GRID2IP: variants seen among roughly 807,000 people sequenced by gnomAD.
GRID2IP encodes the protein Grid2 interacting protein.
In GRID2IP, 78 loss-of-function variants were observed where a neutral mutation model predicts 114.3. The ratio of observed to expected loss-of-function variants is 0.68; its 90% CI spans 0.57 to 0.82. The LOEUF is 0.82. Among genes scored for constraint, GRID2IP ranks in the 40% least tolerant of loss-of-function variants. The probability of loss-of-function intolerance (pLI) is 0.00; values close to 1 mark genes in which losing one functional copy is unlikely to be tolerated. For missense variants in GRID2IP, 1,727 were observed against 1,678.5 expected (o/e 1.03, Z -0.51); for synonymous variants, 809 against 724.0 (o/e 1.12, Z -1.89).
Position 6,502,029 on chromosome 7 carries a change from G to A in GRID2IP, c.3240C>T (p.Gly1080=), listed in dbSNP as rs1372611240. The change falls in exon 19 of 22, where the codon GGC becomes GGT. Residue 1080 remains glycine, a synonymous_variant. Transcript: ENST00000457091. Reference sequence around the variant, plus strand: ...GCACGGTGGGCAGGTCCTGAGCAAAGCCCAGGAGTTCAGGGAAGTGCTGGC... The same window carrying A: ...GCACGGTGGGCAGGTCCTGAGCAAAACCCAGGAGTTCAGGGAAGTGCTGGC... ...SLSQHFPELL[G]FAQDLPTVPL... is the part of the protein sequence containing the mutation. 6.4e-7 allele frequency: 1 copy of A among 1,551,370 alleles called. No individual in the cohort carries two copies. Among genetic ancestry groups the A allele is most frequent in the Non-Finnish European group, 8.7e-7 (1 of 1,146,906 alleles).
chr7:6,503,649 G>C lies in GRID2IP; in HGVS notation c.2749C>G (p.Leu917Val). ...LAHLKLSPAE[L>V]RQVLMSMEPR... ...TCCATGCTCATCAGCACCTGGCGCAGCTCCGCGGGGCTCAGCTTCAGGTGT... is the reference window on the plus strand; with the variant it reads ...TCCATGCTCATCAGCACCTGGCGCACCTCCGCGGGGCTCAGCTTCAGGTGT... Residue 917 changes from leucine to valine, a missense_variant, in exon 16 of 22, where the codon CTG becomes GTG. Physicochemically the swap from Leu to Val is conservative, Grantham distance 32. Transcript: ENST00000457091. 1.3e-6 allele frequency: 2 copies of C among 1,517,074 alleles called. No homozygotes were observed. The highest frequency in any genetic ancestry group is 8.8e-7 in the Non-Finnish European group (1 of 1,139,282). The allele number at this position is 1,517,074 out of a possible 1,614,324, so 94.0% of individuals were successfully genotyped here.
chr7:6,511,887 T>C (rs1432781961), intron 8 of GRID2IP, among the ~76,000 whole-genome samples: 1 of 151,824 alleles, frequency 6.6e-6, no homozygotes, highest in African/African-American at 2.4e-5. Flanking sequence ...TTTCTCTCTT[T>C]TCTCTCTCTC....
At position 6,516,957 on chromosome 7, in the gene GRID2IP, C is replaced by T. The variant is rs563908390; in HGVS notation, c.1269-2428G>A. 1.3e-5 allele frequency among the ~76,000 whole-genome samples: 2 copies of T among 152,094 alleles called. No homozygotes were observed. Among genetic ancestry groups the T allele is most frequent in the Admixed American group, 6.6e-5 (1 of 15,260 alleles). On this transcript the variant is annotated intron_variant, in intron 7 of 21. Transcript: ENST00000457091. This position sits in a 1 kb window ranked among gnomAD's most constrained non-coding sequence, Gnocchi z 4.3. ...GCCTTGTACACAATAAATAACAGCA[C>T]GGCCAGGCATTCGGGGCCACTACTG...
At chr7:6,527,488 G>C (rs1319352201) in intron 2 of GRID2IP, among the ~76,000 whole-genome samples, 2 of 152,222 alleles carry the variant, frequency 1.3e-5, no homozygotes, top group African/African-American at 4.8e-5. Context: ...AAGCTAAAGG[G>C]ACTGTGGCTC....
intron 8 of GRID2IP, among the ~76,000 whole-genome samples, chr7:6,513,591 T>G (rs1403282136): frequency 6.6e-6 from 1 of 152,102 alleles, no homozygotes; most frequent in Non-Finnish European, 1.5e-5. Flanking sequence ...ACTTCCATTT[T>G]GTGGGTGCAA....
Position 6,543,031 on chromosome 7 carries a change from T to A in GRID2IP, c.430-3159A>T, listed in dbSNP as rs1476613653. On this transcript the variant is annotated intron_variant, in intron 1 of 21. Transcript: ENST00000457091. ...CTGTCAGGCCCCGCCTCTCTCACCC[T>A]CATCCACCTCCAAACTTCTCAACAG... Among the ~76,000 whole-genome samples the A allele has an allele frequency of 5.3e-5, 8 of 152,206 alleles. No homozygotes were observed. In the South Asian group the frequency reaches 1.7e-3, roughly 32 times the overall value.
At chr7:6,502,305 G>A (rs542468758) in intron 18 of GRID2IP, among the ~76,000 whole-genome samples, 187 bp from the exon 19 acceptor site, 12 of 152,082 alleles carry the variant, frequency 7.9e-5, no homozygotes, top group African/African-American at 2.7e-4. Flanking sequence ...ACTCACTGCA[G>A]CCTCAAACTC....
intron 2 of GRID2IP, among the ~76,000 whole-genome samples, chr7:6,537,445 T>TCAGCTCA (rs1779746361): frequency 7.2e-6 from 1 of 138,528 alleles, no homozygotes; most frequent in African/African-American, 2.7e-5. Flanking sequence ...TGTCGTGATC[T>TCAGCTCA]CAGCTCACCG....
At chr7:6,515,437 G>T (rs543770616) in intron 7 of GRID2IP, among the ~76,000 whole-genome samples, 2 of 151,650 alleles carry the variant, frequency 1.3e-5, no homozygotes, top group Non-Finnish European at 2.9e-5. Context: ...CTCCAGCCTG[G>T]GTGACAGAGC....
At chr7:6,522,017 G>A in intron 4 of GRID2IP, 60 bp from the exon 5 acceptor site, 1 of 1,333,306 alleles carries the variant, frequency 7.5e-7, no homozygotes, top group Non-Finnish European at 1.1e-6. Flanking sequence ...TTGAGAGCAG[G>A]ATGCTATCCT....
At chr7:6,522,628 G>A (rs960233492) in intron 4 of GRID2IP, among the ~76,000 whole-genome samples, 28 of 151,794 alleles carry the variant, frequency 1.8e-4, no homozygotes, top group African/African-American at 6.3e-4. Flanking sequence ...TGGGACCATA[G>A]GCACGCACCA....
intron 8 of GRID2IP, among the ~76,000 whole-genome samples, chr7:6,512,110 T>C (rs181388899): frequency 3.7e-4 from 55 of 150,130 alleles, no homozygotes; most frequent in Non-Finnish European, 6.7e-4. Flanking sequence ...AGAGATGGGG[T>C]TTCACCATAT....
chr7:6,546,898 T>G (rs906897000), intron 1 of GRID2IP, among the ~76,000 whole-genome samples: 2 of 152,118 alleles, frequency 1.3e-5, no homozygotes, highest in African/African-American at 4.8e-5. Flanking sequence ...TTTGGCTCCA[T>G]GGCAGGTGAT....
rs968962827 is a variant in GRID2IP, at chr7:6,536,803, C to T, written c.584+2915G>A. The T allele has an allele frequency of 1.4e-6, 1 of 702,460 alleles. No individual in the cohort carries two copies. The highest frequency in any genetic ancestry group is 2.6e-6 in the Non-Finnish European group (1 of 384,700). 43.5% of individuals were successfully genotyped at this position (702,460 alleles called of 1,614,324 possible). On this transcript the variant is annotated intron_variant, in intron 2 of 21. Coordinates refer to ENST00000457091, the MANE Select transcript of GRID2IP (RefSeq NM_001145118.2). The surrounding 1 kb of genome is among the most constrained non-coding windows in gnomAD (Gnocchi z 5.3). ...TCCTTTTTTCCCCTCTTCTGATTCT[C>T]CTAGCAAGGGGCTCACCCCTTACTC...
chr7:6,501,948 G>A (rs1562510420), intron 19 of GRID2IP, 41 bp downstream of exon 19: 4 of 1,550,794 alleles, frequency 2.6e-6, no homozygotes, highest in Non-Finnish European at 3.5e-6. Context: ...CCCAGCCCAG[G>A]ACAGCATGCC....
chr7:6,546,144 A>G (rs940776958), intron 1 of GRID2IP, among the ~76,000 whole-genome samples: 2 of 151,758 alleles, frequency 1.3e-5, no homozygotes, highest in Non-Finnish European at 2.9e-5. Flanking sequence ...AGCGCAGGCG[A>G]GAACTGGAGG....
intron 20 of GRID2IP, among the ~76,000 whole-genome samples, chr7:6,501,419 G>A (rs1786412324): frequency 6.6e-6 from 1 of 152,076 alleles, no homozygotes; most frequent in African/African-American, 2.4e-5. Flanking sequence ...ATCCAGGATG[G>A]GACCTGGTGT....
intron 1 of GRID2IP, among the ~76,000 whole-genome samples, chr7:6,541,520 C>T (rs1212997011): frequency 2.0e-5 from 3 of 152,200 alleles, no homozygotes; most frequent in Non-Finnish European, 4.4e-5. Context: ...CACAAACCAG[C>T]TGATACTAAT....
At position 6,526,993 on chromosome 7, in the gene GRID2IP, C is replaced by A. The variant is rs535443556; in HGVS notation, c.585-224G>T. Among the ~76,000 whole-genome samples the A allele has an allele frequency of 6.6e-6, 1 of 152,306 alleles. No homozygotes were observed. Among genetic ancestry groups the A allele is most frequent in the East Asian group, 1.9e-4 (1 of 5,154 alleles). ...CTAGGACTTGGCGTCCTGCTCGCTT[C>A]ACCTCGGGAATGGCCCGTTCGGACC... On this transcript the variant is annotated intron_variant, in intron 2 of 21. Transcript: ENST00000457091. The surrounding 1 kb of genome is among the most constrained non-coding windows in gnomAD (Gnocchi z 7.6).
Sources: allele counts gnomAD v4.1 joint callset (sites outside exome capture counted in the v4.1 genomes callset), GRCh38; gene constraint gnomAD v4.1.1; non-coding constraint Gnocchi (gnomAD v3.1); transcripts MANE v1.5; gene names NCBI Gene and HGNC (gene_info 2026-07-23, HGNC 2026-07-21).